CNTNAP2: variants seen among roughly 807,000 people sequenced by gnomAD.
CNTNAP2 encodes the protein contactin-associated protein-like 2.
A neutral mutation model predicts 155.2 loss-of-function variants in CNTNAP2; 98 were observed. That is an observed-to-expected ratio of 0.63 (90% confidence interval 0.54 to 0.75). The LOEUF (loss-of-function observed/expected upper bound fraction) is 0.75, where lower values mean the gene tolerates loss of function less well. CNTNAP2 is among the 30% of genes least tolerant of loss of function. The pLI is 0.00. For synonymous variants in CNTNAP2, 651 were observed against 631.2 expected (o/e 1.03, Z -0.47); for missense variants, 1,727 against 1,688.1 (o/e 1.02, Z -0.40).
intron 11 of CNTNAP2, among the ~76,000 whole-genome samples, chr7:147,502,564 G>T (rs1275233292): frequency 6.6e-6 from 1 of 152,064 alleles, no homozygotes; most frequent in African/African-American, 2.4e-5. Context: ...TAAGTTCTGG[G>T]GAGCTAATAT....
chr7:147,317,802 A>ATATG (rs553818227), intron 9 of CNTNAP2, among the ~76,000 whole-genome samples: 1 of 107,446 alleles, frequency 9.3e-6, no homozygotes, highest in African/African-American at 3.8e-5. Context: ...GTGTGTGTAT[A>ATATG]TGTATATATA....
At chr7:147,231,649 T>C (rs2116618676) in intron 8 of CNTNAP2, among the ~76,000 whole-genome samples, 1 of 152,302 alleles carries the variant, frequency 6.6e-6, no homozygotes, top group African/African-American at 2.4e-5. Context: ...TGATACCTCA[T>C]TATGGTTTTA....
At chr7:148,359,754 C>T (rs1439589003) in intron 21 of CNTNAP2, among the ~76,000 whole-genome samples, 1 of 152,166 alleles carries the variant, frequency 6.6e-6, no homozygotes, top group East Asian at 1.9e-4. Flanking sequence ...AAGAGAGAAG[C>T]GTTCTTGAAT....
intron 1 of CNTNAP2, among the ~76,000 whole-genome samples, chr7:146,439,401 T>C (rs989168905): frequency 1.3e-5 from 2 of 151,588 alleles, no homozygotes. Context: ...CTGGCCTTCT[T>C]TTTTCCCTTA....
intron 1 of CNTNAP2, among the ~76,000 whole-genome samples, chr7:146,618,161 A>C (rs1799257857): frequency 6.6e-6 from 1 of 152,178 alleles, no homozygotes; most frequent in African/African-American, 2.4e-5. Context: ...CTGAACGTTC[A>C]ATTACTTTAT....
At chr7:147,881,545 C>G (rs945783746) in intron 13 of CNTNAP2, among the ~76,000 whole-genome samples, 2 of 152,168 alleles carry the variant, frequency 1.3e-5, no homozygotes, top group Non-Finnish European at 2.9e-5. Flanking sequence ...GACATTTACA[C>G]AGGAAATAGG....
At chr7:146,724,548 T>A (rs981213803) in intron 1 of CNTNAP2, among the ~76,000 whole-genome samples, 1 of 150,136 alleles carries the variant, frequency 6.7e-6, no homozygotes, top group African/African-American at 2.5e-5. Context: ...AGAAGCATGC[T>A]GTTAAATCTA....
At chr7:146,242,468 G>A (rs546167739) in intron 1 of CNTNAP2, among the ~76,000 whole-genome samples, 140 of 151,978 alleles carry the variant, frequency 9.2e-4, no homozygotes, top group African/African-American at 3.0e-3. Flanking sequence ...GAACCCAGGA[G>A]GCAGAGGTTG....
intron 12 of CNTNAP2, among the ~76,000 whole-genome samples, chr7:147,599,454 G>A (rs1800899460): frequency 7.2e-6 from 1 of 139,788 alleles, no homozygotes; most frequent in African/African-American, 2.7e-5. Flanking sequence ...TTGCACTCCA[G>A]CCTGGGCAAC....
intron 11 of CNTNAP2, among the ~76,000 whole-genome samples, chr7:147,512,028 A>G (rs1382535839): frequency 6.6e-6 from 1 of 152,208 alleles, no homozygotes. Flanking sequence ...AGTAGACAGC[A>G]TTACCTTGGA....
chr7:147,068,259 C>T (rs1050172514), intron 4 of CNTNAP2, among the ~76,000 whole-genome samples: 1 of 152,154 alleles, frequency 6.6e-6, no homozygotes, highest in African/African-American at 2.4e-5. Context: ...GCAAGGCTAC[C>T]TTCTTGGGTT....
In CNTNAP2 at chr7:146,439,832, A is replaced by C. The variant is rs552806615; in HGVS notation, c.97+322859A>C. On this transcript the variant is annotated intron_variant, in intron 1 of 23. Coordinates refer to ENST00000361727, the MANE Select transcript of CNTNAP2 (RefSeq NM_014141.6). ...TTATGAAACAATCCCACTTTCAAATAATCTCTCTCGGATAGGCGTGGTGGC... is the reference window on the plus strand; with the variant it reads ...TTATGAAACAATCCCACTTTCAAATCATCTCTCTCGGATAGGCGTGGTGGC... 1.1e-3 allele frequency among the ~76,000 whole-genome samples: 174 copies of C among 151,710 alleles called. 1 individual carries two copies. The highest frequency in any genetic ancestry group is 1.5e-4 in the Non-Finnish European group (10 of 68,012).
At chr7:147,400,839 T>C in intron 10 of CNTNAP2, among the ~76,000 whole-genome samples, 1 of 152,228 alleles carries the variant, frequency 6.6e-6, no homozygotes, top group African/African-American at 2.4e-5. Flanking sequence ...AACTTGTATG[T>C]GAAAAATATC....
chr7:146,584,587 A>G (rs936322146), intron 1 of CNTNAP2, among the ~76,000 whole-genome samples: 1 of 152,144 alleles, frequency 6.6e-6, no homozygotes, highest in African/African-American at 2.4e-5. Flanking sequence ...AGAAATCTAC[A>G]TTCACATCCT....
In CNTNAP2 at chr7:147,485,981, T is replaced by A; in HGVS notation, c.1717T>A (p.Trp573Arg). 6.2e-7 allele frequency: 1 copy of A among 1,614,076 alleles called. No individual in the cohort carries two copies. The highest frequency in any genetic ancestry group is 8.5e-7 in the Non-Finnish European group (1 of 1,179,972). ...CEHGGKCSQT[W>R]DSFKCTCDET... Reference sequence around the variant, plus strand: ...GCATGGTGGAAAGTGCTCGCAAACATGGGACAGCTTCAAATGCACTTGTGA... The same window carrying A: ...GCATGGTGGAAAGTGCTCGCAAACAAGGGACAGCTTCAAATGCACTTGTGA... The change falls in exon 11 of 24, where the codon TGG becomes AGG. Residue 573 changes from tryptophan to arginine, a missense_variant. Coordinates refer to ENST00000361727, the MANE Select transcript of CNTNAP2 (RefSeq NM_014141.6).
rs60549677 is a variant in CNTNAP2 at position 146,321,977 on chromosome 7, G to GAA, written c.97+205011_97+205012dup. Among the ~76,000 whole-genome samples the GAA allele has an allele frequency of 4.3e-3, 656 of 151,758 alleles. 4 individuals carry two copies. The highest frequency in any genetic ancestry group is 0.015 in the African/African-American group (602 of 41,386). On this transcript the variant is annotated intron_variant, in intron 1 of 23. Coordinates refer to ENST00000361727, the MANE Select transcript of CNTNAP2 (RefSeq NM_014141.6). The stretch of plus-strand genomic sequence containing the variant: ...GTTTTTAGATATATCATTTAAATAT[G>GAA]AAAAAAAATTCAGGGAAAAGTAATT...
intron 1 of CNTNAP2, among the ~76,000 whole-genome samples, chr7:146,419,670 A>G (rs1213500783): frequency 6.6e-6 from 1 of 152,168 alleles, no homozygotes; most frequent in East Asian, 1.9e-4. Flanking sequence ...AAAGGTGCTT[A>G]ACAACATTCT....
At chr7:146,442,732 C>G (rs1303408639) in intron 1 of CNTNAP2, among the ~76,000 whole-genome samples, 1 of 152,114 alleles carries the variant, frequency 6.6e-6, no homozygotes, top group Non-Finnish European at 1.5e-5. Flanking sequence ...GCACAGCACA[C>G]CTAGCCCTGT....
intron 4 of CNTNAP2, among the ~76,000 whole-genome samples, chr7:147,079,971 T>C (rs1584824156): frequency 6.7e-6 from 1 of 150,332 alleles, no homozygotes; most frequent in Admixed American, 6.7e-5. Context: ...AGTTAGTAAG[T>C]AGTAGAACCA....
Sources: allele counts gnomAD v4.1 joint callset (sites outside exome capture counted in the v4.1 genomes callset), GRCh38; gene constraint gnomAD v4.1.1; transcripts MANE v1.5; gene names NCBI Gene and HGNC (gene_info 2026-07-23, HGNC 2026-07-21).